TEK: variants seen among roughly 807,000 people sequenced by gnomAD.
TEK encodes the protein angiopoietin-1 receptor.
In TEK, 43 loss-of-function variants were observed where a neutral mutation model predicts 131.8. The ratio of observed to expected loss-of-function variants is 0.33; its 90% CI spans 0.26 to 0.42. The LOEUF is 0.42. TEK is among the 10% of genes least tolerant of loss of function. TEK has a pLI of 1.00. For missense variants in TEK, 1,162 were observed against 1,384.4 expected (o/e 0.84, Z 2.55); for synonymous variants, 580 against 491.6 (o/e 1.18, Z -2.38).
chr9:27,143,576 A>G (rs1161426462), intron 1 of TEK, among the ~76,000 whole-genome samples: 1 of 152,228 alleles, frequency 6.6e-6, no homozygotes, highest in East Asian at 1.9e-4. Context: ...TGATTTGAAC[A>G]TTTAATGAAA....
chr9:27,169,162 C>G (rs991395909), intron 3 of TEK, among the ~76,000 whole-genome samples: 11 of 152,108 alleles, frequency 7.2e-5, no homozygotes, highest in African/African-American at 9.7e-5. Context: ...ACAGGGTTAC[C>G]TATCATTTTT....
intron 7 of TEK, among the ~76,000 whole-genome samples, chr9:27,181,273 C>CGTA (rs1564080686): frequency 6.6e-6 from 1 of 152,018 alleles, no homozygotes; most frequent in East Asian, 1.9e-4. Flanking sequence ...CATGACATAC[C>CGTA]TTTTTCTTAA....
intron 6 of TEK, among the ~76,000 whole-genome samples, chr9:27,173,951 G>C (rs1044718733): frequency 6.6e-6 from 1 of 151,286 alleles, no homozygotes; most frequent in Non-Finnish European, 1.5e-5. Context: ...ATCAAAATCA[G>C]AGCTTTTATG....
intron 1 of TEK, among the ~76,000 whole-genome samples, chr9:27,114,565 C>T (rs1415365494): frequency 2.0e-5 from 3 of 150,192 alleles, no homozygotes; most frequent in East Asian, 1.9e-4. Flanking sequence ...AGTGAGACTC[C>T]GTCTCAAAAA....
chr9:27,202,672 C>T, intron 12 of TEK, 148 bp from the exon 13 acceptor site: 1 of 768,992 alleles, frequency 1.3e-6, no homozygotes, highest in Non-Finnish European at 2.1e-6. Context: ...TGCGTGGAGT[C>T]CAGTAGCCAC....
chr9:27,141,003 TCTG>T (rs1822703433), intron 1 of TEK, among the ~76,000 whole-genome samples: 1 of 152,114 alleles, frequency 6.6e-6, no homozygotes, highest in African/African-American at 2.4e-5. Flanking sequence ...CGTTAAGTTC[TCTG>T]CCTATCTCTG....
rs190231761 is a variant in TEK at position 27,180,599 on chromosome 9, G to C, written c.1030+231G>C. Among the ~76,000 whole-genome samples the C allele has an allele frequency of 3.3e-5, 5 of 152,276 alleles. No homozygotes were observed. The East Asian group carries it at 9.7e-4, about 29-fold the overall frequency. ...ACTAGGCATAAACCACGTGCTCTTT[G>C]TAGCAGCTTAAGTGATGACTGGCCA... On this transcript the variant is annotated intron_variant, in intron 7 of 22. Transcript: ENST00000380036.
chr9:27,204,979 C>T lies in TEK; in HGVS notation c.2278C>T (p.Leu760=), dbSNP rs1825352240. The change falls in exon 14 of 23, where the codon CTG becomes TTG. Residue 760 remains leucine (L), a synonymous_variant. Coordinates refer to ENST00000380036, the MANE Select transcript of TEK (RefSeq NM_000459.5). ...AILGSAGMTC[L]TVLLAFLIIL... is the part of the protein sequence containing the mutation. ...CCTTGGCTCTGCTGGAATGACCTGCCTGACTGTGCTGTTGGCCTTTCTGAT... is the reference window on the plus strand; with the variant it reads ...CCTTGGCTCTGCTGGAATGACCTGCTTGACTGTGCTGTTGGCCTTTCTGAT... The T allele has an allele frequency of 3.1e-6, 5 of 1,614,062 alleles. No individual in the cohort carries two copies. Among genetic ancestry groups the T allele is most frequent in the Non-Finnish European group, 4.2e-6 (5 of 1,179,946 alleles).
intron 8 of TEK, 76 bp downstream of exon 8, chr9:27,183,686 A>C: frequency 6.4e-7 from 1 of 1,551,326 alleles, no homozygotes; most frequent in Non-Finnish European, 8.9e-7. Flanking sequence ...TAAATGATAG[A>C]TACCATTCAG....
intron 1 of TEK, among the ~76,000 whole-genome samples, chr9:27,122,597 T>C (rs1202880586): frequency 6.6e-6 from 1 of 151,934 alleles, no homozygotes; most frequent in Non-Finnish European, 1.5e-5. Context: ...CTTTAGGGTA[T>C]AGGATGAAGC....
chr9:27,188,755 T>C (rs1824694455), intron 9 of TEK, among the ~76,000 whole-genome samples: 2 of 152,130 alleles, frequency 1.3e-5, no homozygotes, highest in African/African-American at 4.8e-5. Flanking sequence ...TTCTAGGCAC[T>C]GGGAATAGAG....
chr9:27,180,500 T>G (rs1824326896), intron 7 of TEK, 132 bp downstream of exon 7: 1 of 1,307,332 alleles, frequency 7.6e-7, no homozygotes, highest in Non-Finnish European at 1.1e-6. Flanking sequence ...TGGGAATAGT[T>G]TATCCTAAAT....
intron 12 of TEK, among the ~76,000 whole-genome samples, chr9:27,201,755 T>G (rs944978123): frequency 3.9e-5 from 6 of 152,210 alleles, no homozygotes; most frequent in Non-Finnish European, 8.8e-5. Flanking sequence ...AAATTGTTTA[T>G]AAGCAGTAAC....
At chr9:27,116,102 T>C (rs1016322814) in intron 1 of TEK, among the ~76,000 whole-genome samples, 1 of 151,974 alleles carries the variant, frequency 6.6e-6, no homozygotes, top group African/African-American at 2.4e-5. Context: ...GAGAGAGATT[T>C]AGGAGGTGAA....
In TEK at chr9:27,206,505, T is replaced by C. The variant is rs886473334; in HGVS notation, c.2365-77T>C. On this transcript the variant is annotated intron_variant, in intron 14 of 22. Transcript: ENST00000380036. ...TATTTCTTTTTTCATCTGGTGTGGA[T>C]GCCAACCAGAAGACATTATGCCCCT... The C allele has an allele frequency of 1.9e-5, 28 of 1,459,314 alleles. No individual in the cohort carries two copies. The South Asian group carries it at 2.9e-4, about 15-fold the overall frequency. The allele number at this position is 1,459,314 out of a possible 1,614,324, so 90.4% of individuals were successfully genotyped here.
At chr9:27,137,040 C>T (rs1257080923) in intron 1 of TEK, among the ~76,000 whole-genome samples, 3 of 152,120 alleles carry the variant, frequency 2.0e-5, no homozygotes, top group Non-Finnish European at 2.9e-5. Context: ...CTCAGCCTCC[C>T]GAGTAGCTGG....
chr9:27,209,601 C>T (rs751720614), intron 16 of TEK, among the ~76,000 whole-genome samples: 9 of 152,134 alleles, frequency 5.9e-5, no homozygotes, highest in Non-Finnish European at 8.8e-5. Context: ...TTCCTGGAAA[C>T]CCAGGGAATT....
chr9:27,116,323 G>A (rs1821554357), intron 1 of TEK, among the ~76,000 whole-genome samples: 1 of 151,844 alleles, frequency 6.6e-6, no homozygotes, highest in Non-Finnish European at 1.5e-5. Context: ...GAGTCTTGCT[G>A]TGTCGCCCAG....
chr9:27,160,481 C>A (rs1433989870), intron 2 of TEK, among the ~76,000 whole-genome samples: 1 of 152,084 alleles, frequency 6.6e-6, no homozygotes, highest in Non-Finnish European at 1.5e-5. Context: ...TGTAAACATG[C>A]AGACTCTGAT....
Sources: allele counts gnomAD v4.1 joint callset (sites outside exome capture counted in the v4.1 genomes callset), GRCh38; gene constraint gnomAD v4.1.1; transcripts MANE v1.5; gene names NCBI Gene and HGNC (gene_info 2026-07-23, HGNC 2026-07-21).